Variants in DMD observed in about 807,000 individuals in gnomAD.
DMD encodes the protein mutant dystrophin.
DMD carries 63 observed loss-of-function variants against 330.1 expected under a neutral mutation model. That is an observed-to-expected ratio of 0.19 (90% CI 0.16 to 0.24). The LOEUF (loss-of-function observed/expected upper bound fraction) is 0.24, where lower values mean the gene tolerates loss of function less well. Among genes scored for constraint, DMD ranks in the 10% least tolerant of loss-of-function variants. The pLI is 1.00. For synonymous variants in DMD, 1,223 were observed against 959.8 expected (o/e 1.27, Z -5.07); for missense variants, 3,344 against 2,684.1 (o/e 1.25, Z -5.43).
At chrX:32,902,099 G>C (rs1465891452) in intron 2 of DMD, among the ~76,000 whole-genome samples, 1 of 105,849 alleles carries the variant, frequency 9.4e-6, no homozygotes, top group Non-Finnish European at 1.9e-5. Flanking sequence ...GAGTGCAATA[G>C]CAAAATAAAG....
chrX:33,015,184 T>C (rs2093776713), intron 2 of DMD, among the ~76,000 whole-genome samples: 1 of 106,684 alleles, frequency 9.4e-6, no homozygotes, highest in Non-Finnish European at 1.9e-5. Flanking sequence ...CAGAGAAATA[T>C]AAATCATTCT....
At chrX:31,210,275 G>A (rs2044518116) in intron 64 of DMD, among the ~76,000 whole-genome samples, 2 of 111,456 alleles carry the variant, frequency 1.8e-5, no homozygotes, top group East Asian at 5.6e-4. Context: ...ATTTTCTATA[G>A]GCAAACTAAA....
At position 32,822,986 on chromosome X, in the gene DMD, T is replaced by C. The variant is rs144139600; in HGVS notation, c.357+309A>G. 1.7e-3 allele frequency among the ~76,000 whole-genome samples: 187 copies of C among 111,463 alleles called. 1 individual carries two copies. In the East Asian group the frequency reaches 0.04, roughly 24 times the overall value. ...AAATAAAACATACTAAATTAACTTA[T>C]AGACAAGTTATAGAACATACATTTG... On this transcript the variant is annotated intron_variant, in intron 5 of 78. Transcript: ENST00000357033.
intron 50 of DMD, among the ~76,000 whole-genome samples, chrX:31,779,564 G>A (rs1200405430): frequency 1.8e-5 from 2 of 112,095 alleles, no homozygotes. Flanking sequence ...GGTTCCTCCA[G>A]TAACAGATTT....
chrX:32,729,220 C>T (rs1337325191), intron 7 of DMD, among the ~76,000 whole-genome samples: 1 of 111,748 alleles, frequency 8.9e-6, no homozygotes, highest in Non-Finnish European at 1.9e-5. Flanking sequence ...ATTATGGATG[C>T]TCAACTCGTA....
At chrX:33,268,907 CAAAAAAAAAA>C (rs202219233) in intron 1 of DMD, among the ~76,000 whole-genome samples, 4 of 43,317 alleles carry the variant, frequency 9.2e-5, no homozygotes, top group African/African-American at 2.0e-4. Flanking sequence ...GCCTGGGTGA[CAAAAAAAAAA>C]AAAAAAAAAA....
chrX:32,995,222 C>T (rs12838015), intron 2 of DMD, among the ~76,000 whole-genome samples: 2,978 of 112,467 alleles, frequency 0.026, 71 homozygotes, highest in East Asian at 0.18. Flanking sequence ...TGTTCTATGA[C>T]TTTTTAGTTA....
At chrX:31,189,681 G>C (rs1290443601) in intron 67 of DMD, among the ~76,000 whole-genome samples, 1 of 111,788 alleles carries the variant, frequency 8.9e-6, no homozygotes, top group Admixed American at 9.5e-5. Flanking sequence ...TATACTTCTG[G>C]AGTCTCTGTT....
chrX:33,009,796 GTATA>G (rs1343461542), intron 2 of DMD, among the ~76,000 whole-genome samples: 1 of 26,026 alleles, frequency 3.8e-5, no homozygotes, highest in Non-Finnish European at 8.0e-5. Context: ...GTATATGTGT[GTATA>G]TGTGTATATA....
chrX:32,390,545 A>G (rs1272139978), intron 30 of DMD, among the ~76,000 whole-genome samples: 1 of 112,222 alleles, frequency 8.9e-6, no homozygotes, highest in East Asian at 2.8e-4. Context: ...TAGAATTGAT[A>G]TGTTTTATCT....
chrX:32,764,660 TACC>T (rs1251213340), intron 7 of DMD, among the ~76,000 whole-genome samples: 2 of 112,269 alleles, frequency 1.8e-5, no homozygotes, highest in East Asian at 2.8e-4. Flanking sequence ...TGTATACATT[TACC>T]ACATTTTGTT....
chrX:31,969,199 C>CT (rs2095377509), intron 44 of DMD, among the ~76,000 whole-genome samples: 1 of 111,338 alleles, frequency 9.0e-6, no homozygotes, highest in South Asian at 3.7e-4. Context: ...ATATTGTTTA[C>CT]TTTTTTCCTG....
intron 61 of DMD, among the ~76,000 whole-genome samples, chrX:31,344,941 T>A (rs1178443238): frequency 1.8e-5 from 2 of 111,383 alleles, no homozygotes; most frequent in Admixed American, 1.9e-4. Context: ...TATCTCTGAG[T>A]CATAGGATTA....
At position 32,491,308 on chromosome X, in the gene DMD, G is replaced by C. The variant is rs751150633; in HGVS notation, c.2591C>G (p.Thr864Arg). Residue 864 changes from threonine (T) to arginine (R), a missense_variant, in exon 20 of 79, where the codon ACA becomes AGA. Coordinates refer to ENST00000357033, the MANE Select transcript of DMD (RefSeq NM_004006.3). ...KIQPTTPSEP[T>R]AIKSQLKICK... is the part of the protein sequence containing the mutation. ...AATTTTTAACTGACTTTTAATTGCT[G>C]TTGGCTCTGATGGGGTGGTGGGTTG... 4 of 1,211,575 alleles carry C rather than the reference G, an allele frequency of 3.3e-6. No individual in the cohort carries two copies. The highest frequency in any genetic ancestry group is 4.5e-6 in the Non-Finnish European group (4 of 895,347).
intron 1 of DMD, among the ~76,000 whole-genome samples, chrX:33,102,228 T>C (rs1012359361): frequency 1.6e-4 from 18 of 111,159 alleles, no homozygotes; most frequent in Admixed American, 4.8e-4. Flanking sequence ...TAAAATTTAT[T>C]CATTAAAAGA....
chrX:32,414,176 CT>C (rs1291873180), intron 29 of DMD, among the ~76,000 whole-genome samples: 1 of 111,417 alleles, frequency 9.0e-6, no homozygotes, highest in Non-Finnish European at 1.9e-5. Context: ...ATGTTGTTCC[CT>C]TTTACTGGCA....
intron 1 of DMD, among the ~76,000 whole-genome samples, chrX:33,331,012 G>A (rs758614998): frequency 7.1e-5 from 8 of 112,011 alleles, no homozygotes; most frequent in East Asian, 2.8e-4. Flanking sequence ...AACCACGTTC[G>A]TCTCTAAATT....
intron 43 of DMD, among the ~76,000 whole-genome samples, chrX:32,222,714 C>G (rs144621898): frequency 9.0e-6 from 1 of 111,424 alleles, no homozygotes; most frequent in Admixed American, 9.5e-5. Context: ...AGAATCTGAG[C>G]CATGCTAGTG....
chrX:32,306,494 T>C (rs1016069247), intron 42 of DMD, among the ~76,000 whole-genome samples: 6 of 111,214 alleles, frequency 5.4e-5, no homozygotes, highest in African/African-American at 1.6e-4. Flanking sequence ...GCTTTCTTCA[T>C]ATGGCCACGT....
Sources: gnomAD v4.1 joint callset for allele counts (sites outside exome capture counted in the v4.1 genomes callset) on GRCh38, gnomAD v4.1.1 for gene constraint, MANE v1.5 for transcripts, NCBI Gene and HGNC (gene_info 2026-07-23, HGNC 2026-07-21) for gene names.